The following CAMK1G variants were observed in gnomAD, a reference collection of about 807,000 sequenced individuals.
CAMK1G encodes the protein calcium/calmodulin-dependent protein kinase type 1G.
In CAMK1G, 27 loss-of-function variants were observed where a neutral mutation model predicts 54.8. That is an observed-to-expected ratio of 0.49 (90% CI 0.36 to 0.68). The LOEUF (loss-of-function observed/expected upper bound fraction) is 0.68, where lower values mean the gene tolerates loss of function less well. Ranked by LOEUF, CAMK1G falls within the 30% of genes least tolerant of loss-of-function variation. The pLI is 0.00. For synonymous variants in CAMK1G, 238 were observed against 224.9 expected (o/e 1.06, Z -0.52); for missense variants, 512 against 591.0 (o/e 0.87, Z 1.39).
intron 1 of CAMK1G, among the ~76,000 whole-genome samples, chr1:209,584,875 C>T (rs1158141774): frequency 6.6e-6 from 1 of 152,200 alleles, no homozygotes; most frequent in Non-Finnish European, 1.5e-5. Flanking sequence ...CAGGCCGTAA[C>T]ACAGAGTGCT....
At chr1:209,592,513 C>G (rs183978500) in intron 1 of CAMK1G, among the ~76,000 whole-genome samples, 12 of 152,240 alleles carry the variant, frequency 7.9e-5, no homozygotes, top group Admixed American at 3.9e-4. Flanking sequence ...CTCACCTCCT[C>G]CCTCGAGGCC....
chr1:209,606,555 C>G (rs945836331), intron 6 of CAMK1G, 112 bp downstream of exon 6: 1 of 1,176,472 alleles, frequency 8.5e-7, no homozygotes, highest in South Asian at 1.5e-5. Flanking sequence ...CAGGGGCTAT[C>G]CTGGTAGGAC....
intron 8 of CAMK1G, among the ~76,000 whole-genome samples, chr1:209,609,535 C>T (rs979517589): frequency 6.6e-6 from 1 of 152,210 alleles, no homozygotes; most frequent in Non-Finnish European, 1.5e-5. Context: ...ACATGCGTGC[C>T]CATGTGCCAG....
In CAMK1G at chr1:209,604,228, G is replaced by A. The variant is rs185974213; in HGVS notation, c.296+940G>A. 1.6e-3 allele frequency among the ~76,000 whole-genome samples: 241 copies of A among 152,290 alleles called. 1 individual carries two copies. Among genetic ancestry groups the A allele is most frequent in the African/African-American group, 5.3e-3 (220 of 41,542 alleles). On this transcript the variant is annotated intron_variant, in intron 4 of 12. Transcript: ENST00000361322. The stretch of plus-strand genomic sequence containing the variant: ...GAGGACCTCTAAAGAGAGGTAGCAG[G>A]CAGTCAAGGGAGTGAGGTGGAAAGG...
intron 1 of CAMK1G, 30 bp from the exon 2 acceptor site, chr1:209,594,925 C>A: frequency 7.1e-7 from 1 of 1,417,640 alleles, no homozygotes; most frequent in Non-Finnish European, 9.8e-7. Flanking sequence ...GACCTTTTTT[C>A]TCCTCCTTCT....
At chr1:209,584,596 G>A (rs894924045) in intron 1 of CAMK1G, among the ~76,000 whole-genome samples, 3 of 152,056 alleles carry the variant, frequency 2.0e-5, no homozygotes, top group African/African-American at 4.8e-5. Context: ...TAACTTTGAC[G>A]CACAAACATT....
chr1:209,610,503 C>T (rs1440034747), intron 9 of CAMK1G, among the ~76,000 whole-genome samples: 1 of 152,140 alleles, frequency 6.6e-6, no homozygotes, highest in Non-Finnish European at 1.5e-5. Context: ...CCCAGGATTG[C>T]CAGCATACCT....
chr1:209,594,815 C>T, intron 1 of CAMK1G, 140 bp from the exon 2 acceptor site: 12 of 557,650 alleles, frequency 2.2e-5, no homozygotes, highest in South Asian at 9.6e-5. Context: ...TCACTTTTTC[C>T]AGTTATCCAG....
intron 2 of CAMK1G, among the ~76,000 whole-genome samples, chr1:209,596,197 G>C (rs1665377781): frequency 6.6e-6 from 1 of 152,254 alleles, no homozygotes; most frequent in Admixed American, 6.5e-5. Context: ...GACTGTGCAA[G>C]TGCAGGAGGA....
Position 209,612,895 on chromosome 1 carries a change from T to C in CAMK1G, c.*20T>C, listed in dbSNP as rs1665818138. On this transcript the variant is annotated 3_prime_UTR_variant, in exon 12 of 13. Transcript: ENST00000361322. The stretch of plus-strand genomic sequence containing the variant: ...ATGTGATTCCTGGAGCCTGTGCCTA[T>C]GTCACTGCAATTTTCAGGTTAGGAG... 4 of 1,531,590 alleles carry C rather than the reference T, an allele frequency of 2.6e-6. No individual in the cohort carries two copies. The highest frequency in any genetic ancestry group is 2.7e-5 in the African/African-American group (2 of 73,456). The allele number at this position is 1,531,590 out of a possible 1,614,324, so 94.9% of individuals were successfully genotyped here. A position where few individuals can be genotyped will look rare whatever the true frequency, so the allele number is the denominator to read the frequency against.
rs1204898268 is a variant in CAMK1G, at chr1:209,588,229, A to T, written c.-30+4457A>T. ...AAGATTGCAGAGGTGCTACTCAAAG[A>T]TGCTCTCCTTCCCTGTCCCCATATC... On this transcript the variant is annotated intron_variant, in intron 1 of 12. Transcript: ENST00000361322. 1.3e-5 allele frequency among the ~76,000 whole-genome samples: 2 copies of T among 152,174 alleles called. 1 individual carries two copies. The highest frequency in any genetic ancestry group is 2.9e-5 in the Non-Finnish European group (2 of 68,022).
chr1:209,593,339 G>A (rs975495941), intron 1 of CAMK1G, among the ~76,000 whole-genome samples: 2 of 152,230 alleles, frequency 1.3e-5, no homozygotes, highest in Non-Finnish European at 2.9e-5. Context: ...TATTGCCCAA[G>A]AGGGGCAGCT....
intron 1 of CAMK1G, among the ~76,000 whole-genome samples, chr1:209,584,157 T>C (rs1257805902): frequency 1.3e-5 from 2 of 152,146 alleles, no homozygotes; most frequent in African/African-American, 4.8e-5. Context: ...GACCTCCAAC[T>C]CTCTTGCACC....
intron 5 of CAMK1G, 115 bp downstream of exon 5, chr1:209,605,789 G>C (rs2102392367): frequency 1.0e-6 from 1 of 986,468 alleles, no homozygotes; most frequent in East Asian, 2.5e-5. Flanking sequence ...GACTCCCAAG[G>C]CCCCTTCTGC....
In CAMK1G at chr1:209,605,995, C is replaced by A. The variant is rs550317529; in HGVS notation, c.435+321C>A. 6.6e-5 allele frequency among the ~76,000 whole-genome samples: 10 copies of A among 152,318 alleles called. No homozygotes were observed. The South Asian group carries it at 2.1e-3, about 32-fold the overall frequency. On this transcript the variant is annotated intron_variant, in intron 5 of 12. Transcript: ENST00000361322. ...GGCCTACATTGTACTAGGCCTTGCA[C>A]TGGACTCTGGAGAGATCAGACACCA...
Position 209,605,516 on chromosome 1 carries a change from T to C in CAMK1G, c.297-20T>C. 6.2e-7 allele frequency: 1 copy of C among 1,612,438 alleles called. No homozygotes were observed. Among genetic ancestry groups the C allele is most frequent in the Non-Finnish European group, 8.5e-7 (1 of 1,179,012 alleles). ...GAGTGAAATGAGAACTGAATTCCTG[T>C]CTTGATCCTATGCCCACAGTGTTTC... On this transcript the variant is annotated intron_variant, in intron 4 of 12. Transcript: ENST00000361322.
At chr1:209,606,483 C>T in intron 6 of CAMK1G, 40 bp downstream of exon 6, 3 of 1,602,204 alleles carry the variant, frequency 1.9e-6, no homozygotes, top group Non-Finnish European at 2.6e-6. Context: ...CAGTTGGCTA[C>T]ATTCAACCAC....
chr1:209,611,576 G>A (rs1665781327), intron 10 of CAMK1G, 24 bp downstream of exon 10: 1 of 1,602,690 alleles, frequency 6.2e-7, no homozygotes, highest in Non-Finnish European at 8.5e-7. Context: ...TCCAGGGGGT[G>A]GGAAAGCTGT....
intron 1 of CAMK1G, among the ~76,000 whole-genome samples, chr1:209,592,554 G>A (rs1051394281): frequency 3.9e-5 from 6 of 152,152 alleles, no homozygotes; most frequent in Admixed American, 6.5e-5. Context: ...CCTGTTAGAT[G>A]TGGTTGCAGG....
Sources: gnomAD v4.1 joint callset for allele counts (sites outside exome capture counted in the v4.1 genomes callset) on GRCh38, gnomAD v4.1.1 for gene constraint, MANE v1.5 for transcripts, NCBI Gene and HGNC (gene_info 2026-07-23, HGNC 2026-07-21) for gene names.